Variants in CRISP2 observed in about 807,000 individuals in gnomAD.
The protein encoded by CRISP2 is cysteine rich secretory protein 2, also known as cysteine-rich secretory protein 2.
Under a neutral mutation model 31.7 loss-of-function variants are expected in CRISP2, and 29 were observed. The ratio of observed to expected loss-of-function variants is 0.92; its 90% confidence interval spans 0.68 to 1.25. The LOEUF (loss-of-function observed/expected upper bound fraction) is 1.25. Among genes scored for constraint, CRISP2 ranks in the 50% most tolerant of loss-of-function variants. The pLI, the probability that CRISP2 is intolerant of heterozygous loss-of-function variation, is 0.00. For missense variants in CRISP2, 318 were observed against 286.5 expected, an observed-to-expected ratio of 1.11 and a Z score of -0.79; for synonymous variants, 111 against 101.4, an observed-to-expected ratio of 1.09 and a Z score of -0.57.
intron 7 of CRISP2, 84 bp from the exon 8 acceptor site, chr6:49,698,041 A>C: frequency 9.0e-7 from 1 of 1,105,712 alleles, no homozygotes; most frequent in South Asian, 1.7e-5. Flanking sequence ...TATAAAACTG[A>C]AAAATGTTAG....
chr6:49,698,185 C>G (rs1382357541), intron 7 of CRISP2, among the ~76,000 whole-genome samples, 177 bp downstream of exon 7: 2 of 152,082 alleles, frequency 1.3e-5, no homozygotes, highest in Non-Finnish European at 2.9e-5. Context: ...TGCTTTCCTA[C>G]TAAGAGTTTG....
In CRISP2 at chr6:49,697,924, C is replaced by T. The variant is rs747225480; in HGVS notation, c.451G>A (p.Gly151Arg). ...VWYSTYQVGC[G>R]IAYCPNQDSL... ...TCTTGATTGGGACAGTAGGCAATTC[C>T]ACAGCCTACCTGGTAAGTCGAGTAC... The change falls in exon 8 of 10, where the codon GGA becomes AGA. Residue 151 changes from glycine (G) to arginine (R), a missense_variant. Physicochemically the swap from Gly to Arg is moderately radical, Grantham distance 125. Transcript: ENST00000339139. 4.3e-6 allele frequency: 7 copies of T among 1,609,368 alleles called. No individual in the cohort carries two copies. Among genetic ancestry groups the T allele is most frequent in the Non-Finnish European group, 5.9e-6 (7 of 1,177,930 alleles).
chr6:49,702,767 G>C (rs74728995), intron 4 of CRISP2, among the ~76,000 whole-genome samples: 29,159 of 151,918 alleles, frequency 0.19, 3,080 homozygotes, highest in Admixed American at 0.33. Flanking sequence ...TTACTCTGCT[G>C]ATTATTTGTT....
At chr6:49,681,918 T>A in the CRISP2 span, among the ~76,000 whole-genome samples, 1 of 152,130 alleles carries the variant, frequency 6.6e-6, no homozygotes, top group East Asian at 1.9e-4. Flanking sequence ...CTGACAGTGA[T>A]CTCATGATCA....
chr6:49,699,991 G>A, intron 5 of CRISP2, 100 bp from the exon 6 acceptor site: 3 of 1,041,738 alleles, frequency 2.9e-6, no homozygotes, highest in Non-Finnish European at 4.3e-6. Flanking sequence ...TTCTGTAGAT[G>A]TATTCTCTAA....
intron 1 of CRISP2, among the ~76,000 whole-genome samples, chr6:49,713,185 T>C (rs1482948810): frequency 6.6e-6 from 1 of 152,204 alleles, no homozygotes; most frequent in Non-Finnish European, 1.5e-5. Context: ...ACTTCAGGCT[T>C]CTACTATGAT....
At chr6:49,701,930 A>T (rs1432374071) in intron 4 of CRISP2, among the ~76,000 whole-genome samples, 12 of 11,028 alleles carry the variant, frequency 1.1e-3, no homozygotes, top group Non-Finnish European at 1.5e-3. Flanking sequence ...ATTATATATA[A>T]TATATAATAT....
chr6:49,700,922 G>C (rs1360440560), intron 4 of CRISP2, 138 bp from the exon 5 acceptor site: 5 of 517,646 alleles, frequency 9.7e-6, no homozygotes, highest in Non-Finnish European at 1.4e-5. Context: ...AAATACTAAA[G>C]TTATTTAAAT....
the CRISP2 span, among the ~76,000 whole-genome samples, chr6:49,685,420 C>A: frequency 2.0e-5 from 3 of 152,094 alleles, no homozygotes; most frequent in Non-Finnish European, 2.9e-5. Context: ...CTGGTATTTC[C>A]CTGACAGCTC....
At chr6:49,705,261 G>C (rs141523885) in intron 4 of CRISP2, among the ~76,000 whole-genome samples, 35 of 152,184 alleles carry the variant, frequency 2.3e-4, no homozygotes, top group African/African-American at 6.7e-4. Context: ...TGCCTCGGCT[G>C]CTTCATAGAG....
intron 3 of CRISP2, among the ~76,000 whole-genome samples, chr6:49,710,562 A>G (rs1251364699): frequency 2.0e-5 from 3 of 152,212 alleles, no homozygotes; most frequent in African/African-American, 7.2e-5. Flanking sequence ...GTATATGTTA[A>G]TAGTAAAATC....
At chr6:49,699,692 G>T in intron 6 of CRISP2, 112 bp downstream of exon 6, 1 of 716,768 alleles carries the variant, frequency 1.4e-6, no homozygotes, top group Non-Finnish European at 2.3e-6. Flanking sequence ...CAAAAAGACA[G>T]CAGTATAAGT....
the CRISP2 span, among the ~76,000 whole-genome samples, chr6:49,682,934 G>A: frequency 6.6e-6 from 1 of 151,444 alleles, no homozygotes; most frequent in African/African-American, 2.4e-5. Flanking sequence ...CGAAAAGGGG[G>A]GATCACCTGA....
intron 4 of CRISP2, 72 bp downstream of exon 4, chr6:49,709,059 T>C: frequency 2.3e-6 from 3 of 1,322,222 alleles, no homozygotes; most frequent in Non-Finnish European, 3.3e-6. Context: ...TACCCCCCTT[T>C]ACTTTCAGAA....
Position 49,695,825 on chromosome 6 carries a change from T to G in CRISP2, c.604+11A>C. On this transcript the variant is annotated intron_variant, in intron 9 of 9. Transcript: ENST00000339139. Reference sequence around the variant, plus strand: ...TAATAAATAATAGCAAGCTAATCACTTCAAACTTACTGCATAGTCCTTTGT... The same window carrying G: ...TAATAAATAATAGCAAGCTAATCACGTCAAACTTACTGCATAGTCCTTTGT... The G allele has an allele frequency of 6.3e-7, 1 of 1,584,334 alleles. No homozygotes were observed. Among genetic ancestry groups the G allele is most frequent in the Non-Finnish European group, 8.6e-7 (1 of 1,156,994 alleles).
the CRISP2 span, among the ~76,000 whole-genome samples, chr6:49,682,627 CTTTCTTTCTTTCTTTCTTCTTTCTTTCT>C: frequency 3.8e-4 from 29 of 76,610 alleles, no homozygotes; most frequent in African/African-American, 1.1e-3. Flanking sequence ...TTCTTTCTTT[CTTTCTTTCTTTCTTTCTTCTTTCTTTCT>C]TTTCTTTCTT....
chr6:49,701,861 TTATTATA>T (rs1247194925), intron 4 of CRISP2, among the ~76,000 whole-genome samples: 5 of 102,750 alleles, frequency 4.9e-5, no homozygotes, highest in Admixed American at 1.3e-4. Context: ...ATAATATATA[TTATTATA>T]TATTATGTAT....
At chr6:49,681,576 T>C in the CRISP2 span, among the ~76,000 whole-genome samples, 1 of 152,242 alleles carries the variant, frequency 6.6e-6, no homozygotes, top group Non-Finnish European at 1.5e-5. Context: ...TTTTGATTTA[T>C]ATTTATAAAC....
the CRISP2 span, among the ~76,000 whole-genome samples, chr6:49,686,506 C>A: frequency 3.9e-5 from 6 of 152,150 alleles, no homozygotes; most frequent in Non-Finnish European, 7.4e-5. Context: ...CAATGAGATA[C>A]CATCTCACAC....
Sources: gnomAD v4.1 joint callset for allele counts (sites outside exome capture counted in the v4.1 genomes callset) on GRCh38, gnomAD v4.1.1 for gene constraint, MANE v1.5 for transcripts, NCBI Gene and HGNC (gene_info 2026-07-23, HGNC 2026-07-21) for gene names.